CEP112: variants seen among roughly 807,000 people sequenced by gnomAD.
CEP112 encodes centrosomal protein 112, also known as centrosomal protein of 112 kDa.
In CEP112, 127 loss-of-function variants were observed where a neutral mutation model predicts 153.0. That is an observed-to-expected ratio of 0.83 (90% confidence interval 0.72 to 0.96). CEP112 has a LOEUF of 0.96. Ranked by LOEUF, CEP112 falls within the 40% of genes least tolerant of loss-of-function variation. CEP112 has a pLI of 0.00. For missense variants in CEP112, 1,089 were observed against 1,101.2 expected (o/e 0.99, Z 0.16); for synonymous variants, 358 against 374.4 (o/e 0.96, Z 0.51).
rs1358329999 is a variant in CEP112, at chr17:66,079,469, G to A, written c.769-9468C>T. 2.0e-5 allele frequency among the ~76,000 whole-genome samples: 3 copies of A among 152,012 alleles called. No homozygotes were observed. In the East Asian group the frequency reaches 5.8e-4, roughly 29 times the overall value. ...TCTAACATACTATTGAGCAAAAGAAGCAAGACATAAAAGAATATGAAAAGT... is the reference window on the plus strand; with the variant it reads ...TCTAACATACTATTGAGCAAAAGAAACAAGACATAAAAGAATATGAAAAGT... On this transcript the variant is annotated intron_variant, in intron 8 of 26. Transcript: ENST00000535342.
chr17:66,038,848 G>A (rs1308319715), intron 12 of CEP112, among the ~76,000 whole-genome samples: 1 of 152,060 alleles, frequency 6.6e-6, no homozygotes, highest in Non-Finnish European at 1.5e-5. Context: ...CTTAATCATG[G>A]GAAAATTAGA....
intron 20 of CEP112, among the ~76,000 whole-genome samples, chr17:65,874,539 C>A (rs1373889712): frequency 6.6e-6 from 1 of 152,082 alleles, no homozygotes; most frequent in African/African-American, 2.4e-5. Flanking sequence ...GATGAAGGTA[C>A]TTCCCATGTA....
intron 23 of CEP112, among the ~76,000 whole-genome samples, chr17:65,703,665 C>A (rs1302074884): frequency 6.7e-6 from 1 of 149,330 alleles, no homozygotes; most frequent in African/African-American, 2.5e-5. Context: ...CCACACATTG[C>A]CCTGTGAGCT....
intron 17 of CEP112, among the ~76,000 whole-genome samples, chr17:65,984,308 G>A (rs1302499745): frequency 6.6e-6 from 1 of 152,100 alleles, no homozygotes; most frequent in Non-Finnish European, 1.5e-5. Context: ...AGTTCCACTT[G>A]TTGCCTTGAC....
At chr17:65,712,576 G>A (rs540386604) in intron 23 of CEP112, among the ~76,000 whole-genome samples, 5 of 152,140 alleles carry the variant, frequency 3.3e-5, no homozygotes, top group Non-Finnish European at 7.4e-5. Context: ...TGTAGTTACC[G>A]CCCTCTTCTA....
intron 21 of CEP112, among the ~76,000 whole-genome samples, chr17:65,761,071 T>TAA (rs2052587621): frequency 6.6e-6 from 1 of 152,072 alleles, no homozygotes; most frequent in African/African-American, 2.4e-5. Flanking sequence ...ACAATACTCG[T>TAA]GGGCTCTTTA....
intron 17 of CEP112, among the ~76,000 whole-genome samples, chr17:65,994,392 G>A (rs1729782587): frequency 6.6e-6 from 1 of 151,826 alleles, no homozygotes; most frequent in African/African-American, 2.4e-5. Context: ...TGGTGGCGTG[G>A]TCATAGCTCA....
Position 65,921,067 on chromosome 17 carries a change from G to A in CEP112, c.1980+6515C>T, listed in dbSNP as rs541127187. On this transcript the variant is annotated intron_variant, in intron 19 of 26. Transcript: ENST00000535342. ...CATCCTCGACTGACTGAGAGACACA[G>A]AAATCTCACTTTAGGTTAACACTAA... is the stretch of plus-strand genomic sequence containing the variant. Among the ~76,000 whole-genome samples the A allele has an allele frequency of 5.9e-5, 9 of 151,734 alleles. No individual in the cohort carries two copies. In the South Asian group the frequency reaches 6.3e-4, roughly 11 times the overall value.
At chr17:66,017,753 C>T in intron 16 of CEP112, among the ~76,000 whole-genome samples, 1 of 152,054 alleles carries the variant, frequency 6.6e-6, no homozygotes, top group East Asian at 1.9e-4. Flanking sequence ...GCAATTCCTG[C>T]ACTTTGGGAG....
chr17:65,906,268 G>C (rs928972384), intron 19 of CEP112, among the ~76,000 whole-genome samples: 11 of 151,380 alleles, frequency 7.3e-5, no homozygotes, highest in Admixed American at 1.3e-4. Context: ...GGCCTGTCGG[G>C]GGGGTAGGGG....
chr17:66,139,921 T>A (rs936100302), intron 4 of CEP112, among the ~76,000 whole-genome samples: 2 of 152,078 alleles, frequency 1.3e-5, no homozygotes, highest in African/African-American at 4.8e-5. Context: ...ACTCCCAAAT[T>A]CATTTTACAA....
chr17:65,937,563 A>G (rs1481186405), intron 18 of CEP112, among the ~76,000 whole-genome samples: 36 of 75,224 alleles, frequency 4.8e-4, no homozygotes, highest in South Asian at 2.6e-3. Flanking sequence ...TCCGGGAGGG[A>G]GGTGGGGGGG....
At chr17:66,124,052 T>C (rs2069725145) in intron 6 of CEP112, among the ~76,000 whole-genome samples, 1 of 152,234 alleles carries the variant, frequency 6.6e-6, no homozygotes, top group African/African-American at 2.4e-5. Context: ...GTCTTTACTA[T>C]GTCATTTGAG....
chr17:65,902,522 A>C (rs2059912351), intron 19 of CEP112, among the ~76,000 whole-genome samples, 188 bp from the exon 20 acceptor site: 1 of 151,990 alleles, frequency 6.6e-6, no homozygotes, highest in Admixed American at 6.6e-5. Flanking sequence ...AATATTCAAA[A>C]TAGTTGGGCA....
intron 18 of CEP112, among the ~76,000 whole-genome samples, chr17:65,960,734 C>A (rs926800944): frequency 6.6e-6 from 1 of 152,162 alleles, no homozygotes; most frequent in African/African-American, 2.4e-5. Context: ...TATTTTCGAT[C>A]CATGGTTGGT....
intron 25 of CEP112, 137 bp downstream of exon 25, chr17:65,640,827 A>G: frequency 1.7e-6 from 1 of 589,386 alleles, no homozygotes. Context: ...AAACAAAATG[A>G]AAATTTATCC....
chr17:66,031,808 T>C (rs779833223), intron 12 of CEP112, among the ~76,000 whole-genome samples: 7 of 152,068 alleles, frequency 4.6e-5, no homozygotes, highest in Admixed American at 6.6e-5. Context: ...TAAGGCAGTT[T>C]GAAAACATCA....
chr17:65,690,051 T>C (rs1412322543), intron 23 of CEP112, among the ~76,000 whole-genome samples: 1 of 145,626 alleles, frequency 6.9e-6, no homozygotes, highest in East Asian at 2.0e-4. Flanking sequence ...TATTAGTGAG[T>C]TCCTGCTGTG....
intron 17 of CEP112, among the ~76,000 whole-genome samples, chr17:65,995,979 T>C (rs1598048040): frequency 6.6e-6 from 1 of 152,214 alleles, no homozygotes; most frequent in East Asian, 1.9e-4. Context: ...CACATGGAAC[T>C]GTGAGTCCAT....
Sources: gnomAD v4.1 joint callset for allele counts (sites outside exome capture counted in the v4.1 genomes callset) on GRCh38, gnomAD v4.1.1 for gene constraint, MANE v1.5 for transcripts, NCBI Gene and HGNC (gene_info 2026-07-23, HGNC 2026-07-21) for gene names.